CDC20B: variants seen among roughly 807,000 people sequenced by gnomAD.
CDC20B encodes the protein cell division cycle protein 20 homolog B.
Under a neutral mutation model 64.1 loss-of-function variants are expected in CDC20B, and 58 were observed. That is an observed-to-expected ratio of 0.90 (90% CI 0.73 to 1.13). The LOEUF (loss-of-function observed/expected upper bound fraction) is 1.13. CDC20B is among the 50% of genes most tolerant of loss of function. The pLI, the probability that CDC20B is intolerant of heterozygous loss-of-function variation, is 0.00. For missense variants in CDC20B, 597 were observed against 633.0 expected, an observed-to-expected ratio of 0.94 and a Z score of 0.61; for synonymous variants, 243 against 230.6, an observed-to-expected ratio of 1.05 and a Z score of -0.49.
rs1248359751 is a variant in CDC20B, at chr5:55,119,817, C to T, written c.1443G>A (p.Arg481=). ...TTTGCTTACCAAAAAACCCACCTGA[C>T]CTGGACACAGTGGGACAGGTCCACA... ...VTVWTCPTVS[R]SGGFFGHRGR... Residue 481 remains arginine (R), a synonymous_variant, in exon 11 of 12, where the codon AGG becomes AGA. Transcript: ENST00000381375. The T allele has an allele frequency of 6.2e-7, 1 of 1,613,564 alleles. No homozygotes were observed. The highest frequency in any genetic ancestry group is 8.5e-7 in the Non-Finnish European group (1 of 1,179,564).
chr5:55,172,827 A>T, intron 1 of CDC20B, 111 bp downstream of exon 1: 1 of 1,104,838 alleles, frequency 9.1e-7, no homozygotes, highest in Middle Eastern at 2.3e-4. Context: ...CAAATTTACG[A>T]CCAGGGCTTA....
In CDC20B at chr5:55,156,066, G is replaced by A. The variant is rs776687157; in HGVS notation, c.127-9210C>T. On this transcript the variant is annotated intron_variant, in intron 2 of 11. Transcript: ENST00000381375. ...GGACTCACAGTTCCACATGGCTAGG[G>A]AGTCCTCACAATCATGGCAGAAGGT... Among the ~76,000 whole-genome samples, 28 of 152,304 alleles carry A rather than the reference G, an allele frequency of 1.8e-4. No individual in the cohort carries two copies. The South Asian group carries it at 3.7e-3, about 20-fold the overall frequency.
At chr5:55,143,471 T>G in intron 4 of CDC20B, 42 bp downstream of exon 4, 1 of 1,524,720 alleles carries the variant, frequency 6.6e-7, no homozygotes. Flanking sequence ...TTGTCTCAGC[T>G]TCTCTAGATG....
At position 55,133,580 on chromosome 5, in the gene CDC20B, T is replaced by C. The variant is rs766584251; in HGVS notation, c.581-52A>G. 11 of 771,032 alleles carry C rather than the reference T, an allele frequency of 1.4e-5. No individual in the cohort carries two copies. The South Asian group carries it at 3.7e-4, about 26-fold the overall frequency. 47.8% of individuals were successfully genotyped at this position (771,032 alleles called of 1,614,324 possible). On this transcript the variant is annotated intron_variant, in intron 5 of 11. Transcript: ENST00000381375. The stretch of plus-strand genomic sequence containing the variant: ...GCTCTAAGATCCTGAAAATATAATA[T>C]TTATTCTTGTGGGAATTAAGAAATA...
At chr5:55,149,405 T>C (rs1025971092) in intron 2 of CDC20B, among the ~76,000 whole-genome samples, 1 of 152,216 alleles carries the variant, frequency 6.6e-6, no homozygotes, top group Admixed American at 6.5e-5. Flanking sequence ...TGTGCACATA[T>C]GTTCATAGTA....
Position 55,114,239 on chromosome 5 carries a change from G to A in CDC20B, c.1539C>T (p.Ala513=), listed in dbSNP as rs779967998. Residue 513 remains alanine (A), a synonymous_variant, in exon 12 of 12, where the codon GCC becomes GCT. Coordinates refer to ENST00000381375, the MANE Select transcript of CDC20B (RefSeq NM_001170402.1). This position sits in a 1 kb window ranked among gnomAD's most constrained non-coding sequence, Gnocchi z 4.1. ...GGTGCTAGTAGCAATTCCATACAGA[G>A]GCCGTCCCATCAGCTGCAGCAGAAA... ...RVFSAAADGT[A]SVWNCY The A allele has an allele frequency of 6.2e-7, 1 of 1,613,744 alleles. No homozygotes were observed. Among genetic ancestry groups the A allele is most frequent in the Admixed American group, 1.7e-5 (1 of 60,010 alleles).
intron 11 of CDC20B, among the ~76,000 whole-genome samples, chr5:55,116,092 G>C (rs1489259540): frequency 6.6e-6 from 1 of 152,178 alleles, no homozygotes; most frequent in Non-Finnish European, 1.5e-5. Flanking sequence ...GACAGAGCCA[G>C]AACTAGGATC....
At chr5:55,115,657 CA>C (rs1742605908) in intron 11 of CDC20B, among the ~76,000 whole-genome samples, 1 of 152,174 alleles carries the variant, frequency 6.6e-6, no homozygotes, top group Admixed American at 6.5e-5. Context: ...CAGCTGAAAT[CA>C]AACTAGATGG....
chr5:55,124,933 T>C lies in CDC20B; in HGVS notation c.1085A>G (p.Lys362Arg). ...AAGCAGCCTGCCATCCGGTGACCACTTCAGAGCACACACAGCTTGCTTGTG... is the reference window on the plus strand; with the variant it reads ...AAGCAGCCTGCCATCCGGTGACCACCTCAGAGCACACACAGCTTGCTTGTG... ...LRHKQAVCAL[K>R]WSPDGRLLSS... Residue 362 changes from lysine (K) to arginine (R), a missense_variant, in exon 9 of 12, where the codon AAG becomes AGG. By Grantham distance (26) the Lys-to-Arg change is conservative. Coordinates refer to ENST00000381375, the MANE Select transcript of CDC20B (RefSeq NM_001170402.1). The C allele has an allele frequency of 1.9e-6, 3 of 1,614,164 alleles. No individual in the cohort carries two copies. Among genetic ancestry groups the C allele is most frequent in the Non-Finnish European group, 2.5e-6 (3 of 1,180,004 alleles).
At chr5:55,135,754 T>C in intron 5 of CDC20B, 1 of 141,536 alleles carries the variant, frequency 7.1e-6, no homozygotes, top group Admixed American at 7.1e-5. Flanking sequence ...GATTTTTTTG[T>C]GATTTTTTTT....
At chr5:55,129,813 T>C (rs866014480) in intron 6 of CDC20B, among the ~76,000 whole-genome samples, 2 of 152,130 alleles carry the variant, frequency 1.3e-5, no homozygotes, top group African/African-American at 4.8e-5. Context: ...CACCCACAAA[T>C]GGCAAGACAA....
chr5:55,151,590 T>C (rs528514685), intron 2 of CDC20B, among the ~76,000 whole-genome samples: 2 of 152,366 alleles, frequency 1.3e-5, no homozygotes, highest in African/African-American at 2.4e-5. Context: ...ATGTCAGCTA[T>C]GTCTGCGAAA....
At chr5:55,133,554 A>G (rs772138250) in intron 5 of CDC20B, 26 bp from the exon 6 acceptor site, 1 of 988,066 alleles carries the variant, frequency 1.0e-6, no homozygotes, top group Admixed American at 2.2e-5. Context: ...ACTTCTACAC[A>G]GCTCTAAGAT....
chr5:55,128,648 T>G, intron 6 of CDC20B, 31 bp from the exon 7 acceptor site: 6 of 1,438,738 alleles, frequency 4.2e-6, no homozygotes, highest in Non-Finnish European at 5.5e-6. Context: ...ATTAGTATAA[T>G]TATACAGCCA....
chr5:55,132,714 T>C (rs1045274304), intron 6 of CDC20B, among the ~76,000 whole-genome samples: 1 of 152,242 alleles, frequency 6.6e-6, no homozygotes. Flanking sequence ...CCAAAACAAA[T>C]CTAAATTTCT....
intron 2 of CDC20B, among the ~76,000 whole-genome samples, chr5:55,171,311 T>C (rs543817883): frequency 3.3e-5 from 5 of 152,242 alleles, no homozygotes; most frequent in Admixed American, 2.0e-4. Flanking sequence ...AGACTCTGTC[T>C]CAAAAAAATA....
chr5:55,116,018 T>C (rs62360381), intron 11 of CDC20B, among the ~76,000 whole-genome samples: 1 of 152,128 alleles, frequency 6.6e-6, no homozygotes, highest in African/African-American at 2.4e-5. Flanking sequence ...CCCCTTATTT[T>C]ATAGGTGAGG....
At chr5:55,135,587 T>C (rs1287989880) in intron 5 of CDC20B, among the ~76,000 whole-genome samples, 2 of 152,242 alleles carry the variant, frequency 1.3e-5, no homozygotes, top group African/African-American at 2.4e-5. Flanking sequence ...TCAATTTTTT[T>C]CCCCTTTTTA....
At chr5:55,144,089 C>G (rs1371527508) in intron 3 of CDC20B, among the ~76,000 whole-genome samples, 3 of 151,954 alleles carry the variant, frequency 2.0e-5, no homozygotes, top group Non-Finnish European at 4.4e-5. Context: ...TCTGGTTTGC[C>G]CGAGCTATGG....
Sources: gnomAD v4.1 joint callset for allele counts (sites outside exome capture counted in the v4.1 genomes callset) on GRCh38, gnomAD v4.1.1 for gene constraint, Gnocchi (gnomAD v3.1) non-coding constraint, MANE v1.5 for transcripts, NCBI Gene and HGNC (gene_info 2026-07-23, HGNC 2026-07-21) for gene names.